The following DIPK1A variants were observed in gnomAD, a reference collection of about 807,000 sequenced individuals.
DIPK1A encodes the protein divergent protein kinase domain 1A.
Under a neutral mutation model 40.8 loss-of-function variants are expected in DIPK1A, and 27 were observed. The observed-to-expected ratio is 0.66, with a 90% CI of 0.49 to 0.91. The LOEUF (loss-of-function observed/expected upper bound fraction) is 0.91, where lower values mean the gene tolerates loss of function less well. Ranked by LOEUF, DIPK1A falls within the 40% of genes least tolerant of loss-of-function variation. DIPK1A has a pLI of 0.00. For synonymous variants in DIPK1A, 166 were observed against 171.3 expected, an observed-to-expected ratio of 0.97 and a Z score of 0.24; for missense variants, 412 against 505.7, an observed-to-expected ratio of 0.81 and a Z score of 1.78.
chr1:92,837,158 A>T, intron 4 of DIPK1A: 1 of 502,074 alleles, frequency 2.0e-6, no homozygotes, highest in Non-Finnish European at 3.7e-6. Context: ...TTTAGAGTAT[A>T]AGTTTTGAAA....
At chr1:92,878,817 T>C (rs190770448) in intron 1 of DIPK1A, among the ~76,000 whole-genome samples, 2 of 140,404 alleles carry the variant, frequency 1.4e-5, no homozygotes, top group African/African-American at 2.7e-5. Flanking sequence ...AGACTCTGTC[T>C]CAAAAACAAA....
intron 1 of DIPK1A, among the ~76,000 whole-genome samples, chr1:92,898,568 G>A (rs1382662462): frequency 6.6e-6 from 1 of 152,152 alleles, no homozygotes; most frequent in African/African-American, 2.4e-5. Context: ...TTGAACTACT[G>A]GGCTCAAGGG....
rs1218722469 is a variant in DIPK1A, at chr1:92,843,389, G to A, written c.1281C>T (p.Asp427=). 6.5e-7 allele frequency: 1 copy of A among 1,535,686 alleles called. No individual in the cohort carries two copies. The highest frequency in any genetic ancestry group is 8.8e-7 in the Non-Finnish European group (1 of 1,138,850). ...GTAATTATGTCCAAATGAACTAAGA[G>A]TCATTAGTGTAGGAAATTTTCTTCC... ...LLWKKISYTN[D]S Residue 427 remains aspartate, a synonymous_variant, in exon 5 of 5, where the codon GAC becomes GAT. Transcript: ENST00000370310.
chr1:92,837,659 A>G (rs1488277411), downstream of DIPK1A: 10 of 1,590,682 alleles, frequency 6.3e-6, no homozygotes, highest in Admixed American at 3.3e-5. Flanking sequence ...AAAAATGCCT[A>G]TATTGGTTAA....
At chr1:92,853,539 C>T (rs564098923) in intron 2 of DIPK1A, among the ~76,000 whole-genome samples, 251 of 152,290 alleles carry the variant, frequency 1.6e-3, no homozygotes, top group Middle Eastern at 6.8e-3. Context: ...AAGTGAGACT[C>T]GCCTGTGTCC....
rs1281056093 is a variant in DIPK1A, at chr1:92,961,404, GC to G, written c.25del (p.Ala9ProfsTer3). On this transcript the variant is annotated frameshift_variant, in exon 1 of 5. Transcript: ENST00000370310. LOFTEE classifies it high-confidence loss of function. ...GAGGTAATAGGGTTTCCTTAGCCAG[GC>G]CCCCGGACAGAGACTCCTCGCCATG... MARSLCPG[A>X]WLRKPYYLQA... The G allele has an allele frequency of 4.6e-6, 7 of 1,531,200 alleles. No homozygotes were observed. The highest frequency in any genetic ancestry group is 1.8e-4 in the Middle Eastern group (1 of 5,530). 94.9% of individuals were successfully genotyped at this position (1,531,200 alleles called of 1,614,324 possible). A position where few individuals can be genotyped will look rare whatever the true frequency, so the allele number is the denominator to read the frequency against.
At chr1:92,917,396 C>T (rs750694616) in intron 1 of DIPK1A, among the ~76,000 whole-genome samples, 3 of 151,926 alleles carry the variant, frequency 2.0e-5, no homozygotes, top group African/African-American at 7.3e-5. Context: ...GGGGTGTGTA[C>T]GAGTATGTAC....
intron 2 of DIPK1A, among the ~76,000 whole-genome samples, chr1:92,858,693 C>A (rs1490983241): frequency 1.3e-5 from 2 of 152,084 alleles, no homozygotes; most frequent in Non-Finnish European, 2.9e-5. Context: ...AATCTCAAGC[C>A]AACCCTTCAT....
intron 1 of DIPK1A, among the ~76,000 whole-genome samples, chr1:92,918,936 C>A (rs924858507): frequency 1.3e-5 from 2 of 152,178 alleles, no homozygotes; most frequent in Non-Finnish European, 2.9e-5. Context: ...CACCGCTGAT[C>A]CGGCAGGAGG....
downstream of DIPK1A, chr1:92,842,153 C>T (rs1557445351): frequency 9.7e-7 from 1 of 1,035,472 alleles, no homozygotes; most frequent in Non-Finnish European, 1.2e-6. Context: ...AACAGACCAA[C>T]CATCAGTGGG....
Position 92,957,008 on chromosome 1 carries a change from G to C in DIPK1A, c.54+4368C>G, listed in dbSNP as rs140922122. Among the ~76,000 whole-genome samples, 419 of 152,304 alleles carry C rather than the reference G, an allele frequency of 2.8e-3. 2 individuals carry two copies. The highest frequency in any genetic ancestry group is 9.4e-3 in the African/African-American group (390 of 41,570). ...AACAGAACACATAGGCAGAATGATTGGAATGGAAAATGTGTATAATCTAAG... is the reference window on the plus strand; with the variant it reads ...AACAGAACACATAGGCAGAATGATTCGAATGGAAAATGTGTATAATCTAAG... On this transcript the variant is annotated intron_variant, in intron 1 of 4. Transcript: ENST00000370310.
At chr1:92,916,563 A>T (rs1298513107) in intron 1 of DIPK1A, among the ~76,000 whole-genome samples, 1 of 152,134 alleles carries the variant, frequency 6.6e-6, no homozygotes, top group Non-Finnish European at 1.5e-5. Context: ...TGGCCTCACA[A>T]AGTGCTGGGA....
At chr1:92,835,231 T>A in intron 4 of DIPK1A, 2 of 427,280 alleles carry the variant, frequency 4.7e-6, no homozygotes, top group Non-Finnish European at 8.8e-6. Context: ...TGAAGACCCT[T>A]GCTACTTAGG....
At chr1:92,948,810 T>TA (rs1651507374) in intron 1 of DIPK1A, among the ~76,000 whole-genome samples, 1 of 140,320 alleles carries the variant, frequency 7.1e-6, no homozygotes, top group South Asian at 2.2e-4. Context: ...TATATATATA[T>TA]TTTTCCCCCC....
intron 1 of DIPK1A, among the ~76,000 whole-genome samples, chr1:92,960,442 A>G (rs998961421): frequency 1.3e-5 from 2 of 152,172 alleles, no homozygotes; most frequent in African/African-American, 4.8e-5. Flanking sequence ...GTTGGCTAAC[A>G]CTGCTGACCC....
chr1:92,840,337 G>A (rs1027682343), downstream of DIPK1A: 1 of 510,688 alleles, frequency 2.0e-6, no homozygotes, highest in African/African-American at 1.9e-5. Context: ...GTAAGATGGA[G>A]TTCTGTAGTG....
chr1:92,928,232 G>A (rs767928150), intron 1 of DIPK1A, among the ~76,000 whole-genome samples: 1 of 152,132 alleles, frequency 6.6e-6, no homozygotes. Flanking sequence ...GGTTGCTTTA[G>A]AAATTAAAAT....
chr1:92,921,755 A>C (rs1650277542), intron 1 of DIPK1A, among the ~76,000 whole-genome samples: 1 of 152,216 alleles, frequency 6.6e-6, no homozygotes, highest in Non-Finnish European at 1.5e-5. Context: ...GTAGTCAGTA[A>C]GATAGTGAAA....
At chr1:92,847,043 CT>C in intron 4 of DIPK1A, 139 bp downstream of exon 4, 1 of 535,992 alleles carries the variant, frequency 1.9e-6, no homozygotes, top group Non-Finnish European at 2.9e-6. Context: ...CACGCCCGGC[CT>C]CTTATAATTA....
Sources: allele counts gnomAD v4.1 joint callset (sites outside exome capture counted in the v4.1 genomes callset), GRCh38; gene constraint gnomAD v4.1.1; transcripts MANE v1.5; gene names NCBI Gene and HGNC (gene_info 2026-07-23, HGNC 2026-07-21).